Variants in SAMMSON observed in about 807,000 individuals in gnomAD.
SAMMSON encodes the protein long intergenic non-protein coding RNA 1212.
intron 9 of SAMMSON, among the ~76,000 whole-genome samples, chr3:70,379,294 A>C (rs184795228): frequency 6.6e-6 from 1 of 152,254 alleles, no homozygotes; most frequent in East Asian, 1.9e-4. Flanking sequence ...CACTTTTAAA[A>C]AAATAATTGT....
chr3:70,199,174 G>C (rs1368626150), intron 4 of SAMMSON, among the ~76,000 whole-genome samples: 1 of 152,136 alleles, frequency 6.6e-6, no homozygotes, highest in Non-Finnish European at 1.5e-5. Flanking sequence ...TTGCTTTGGA[G>C]TTAAGTAGGG....
chr3:70,200,710 A>ATC (rs1329168959), intron 4 of SAMMSON, among the ~76,000 whole-genome samples: 1 of 152,186 alleles, frequency 6.6e-6, no homozygotes, highest in Non-Finnish European at 1.5e-5. Context: ...AGAAAGCCAT[A>ATC]TCTCTCTCTC....
chr3:70,185,022 T>A (rs1663582333), intron 4 of SAMMSON, among the ~76,000 whole-genome samples: 1 of 152,176 alleles, frequency 6.6e-6, no homozygotes, highest in African/African-American at 2.4e-5. Flanking sequence ...GATGTCTGGG[T>A]CTCCATCAGT....
rs558712037 is a variant in SAMMSON at position 70,121,730 on chromosome 3, T to C, written n.507+50165T>C. ...ATTTCCTGAGCGTCCACTGTGTTTCTGGTGCTGGTGCTGCCTTAGGCGTGA... is the reference window on the plus strand; with the variant it reads ...ATTTCCTGAGCGTCCACTGTGTTTCCGGTGCTGGTGCTGCCTTAGGCGTGA... On this transcript the variant is annotated intron_variant and non_coding_transcript_variant, in intron 4 of 9. Transcript: ENST00000642114. 2.0e-5 allele frequency among the ~76,000 whole-genome samples: 3 copies of C among 152,312 alleles called. No individual in the cohort carries two copies. In the South Asian group the frequency reaches 6.2e-4, roughly 32 times the overall value.
At chr3:70,293,080 T>G (rs1702254968) in intron 7 of SAMMSON, among the ~76,000 whole-genome samples, 1 of 144,744 alleles carries the variant, frequency 6.9e-6, no homozygotes, top group Admixed American at 7.0e-5. Context: ...AAGTAGCATA[T>G]TACATGACGA....
rs76426714 is a variant in SAMMSON at position 70,327,553 on chromosome 3, A to G, written n.740-26622A>G. 5.2e-3 allele frequency among the ~76,000 whole-genome samples: 787 copies of G among 152,268 alleles called. 10 individuals are homozygous for G. The highest frequency in any genetic ancestry group is 0.017 in the African/African-American group (720 of 41,552). On this transcript the variant is annotated intron_variant and non_coding_transcript_variant, in intron 7 of 9. Coordinates refer to ENST00000642114, the Ensembl canonical transcript of SAMMSON. The stretch of plus-strand genomic sequence containing the variant: ...AAGGCTGCAAGGAGAGCAAACAATC[A>G]AGTCTTCAGCAAAATATGGCTCAAT...
At chr3:70,238,389 A>G (rs571797255) in intron 4 of SAMMSON, among the ~76,000 whole-genome samples, 2 of 152,078 alleles carry the variant, frequency 1.3e-5, no homozygotes, top group Non-Finnish European at 2.9e-5. Context: ...CAAGAGGATC[A>G]TTTGAGCCCA....
At chr3:70,309,587 A>T (rs1430970181) in intron 7 of SAMMSON, among the ~76,000 whole-genome samples, 1 of 152,172 alleles carries the variant, frequency 6.6e-6, no homozygotes, top group Non-Finnish European at 1.5e-5. Context: ...AGATTTAGAA[A>T]CCATGCCTGC....
Position 70,432,920 on chromosome 3 carries a change from A to C in SAMMSON, n.234-29640A>C, listed in dbSNP as rs568194817. Reference sequence around the variant, plus strand: ...ATAAAGTTGGGATCATACAGTATGTAGTTTTTTCAGATTGACTTTTTTCAT... The same window carrying C: ...ATAAAGTTGGGATCATACAGTATGTCGTTTTTTCAGATTGACTTTTTTCAT... On this transcript the variant is annotated intron_variant and non_coding_transcript_variant, in intron 2 of 3. Coordinates refer to the SAMMSON transcript ENST00000641053. Among the ~76,000 whole-genome samples the C allele has an allele frequency of 2.6e-5, 4 of 152,146 alleles. No homozygotes were observed. In the South Asian group the frequency reaches 8.3e-4, roughly 32 times the overall value.
chr3:70,311,726 A>G (rs1702454708), intron 7 of SAMMSON, among the ~76,000 whole-genome samples: 1 of 151,864 alleles, frequency 6.6e-6, no homozygotes. Context: ...ACAACCACTT[A>G]GGCCACATAA....
At chr3:70,138,228 C>G (rs2067513812) in intron 4 of SAMMSON, among the ~76,000 whole-genome samples, 1 of 152,134 alleles carries the variant, frequency 6.6e-6, no homozygotes, top group Non-Finnish European at 1.5e-5. Context: ...AATAAAATCC[C>G]CATTTTTTGT....
chr3:70,381,163 G>A (rs1327158543), intron 9 of SAMMSON, among the ~76,000 whole-genome samples: 1 of 152,140 alleles, frequency 6.6e-6, no homozygotes, highest in Non-Finnish European at 1.5e-5. Flanking sequence ...CAATGCAGTT[G>A]TGTTAAAAAG....
At chr3:70,223,452 GA>G in intron 4 of SAMMSON, among the ~76,000 whole-genome samples, 1 of 152,134 alleles carries the variant, frequency 6.6e-6, no homozygotes, top group Non-Finnish European at 1.5e-5. Flanking sequence ...AAATGAGATA[GA>G]ATTAAAAATG....
chr3:70,293,045 C>CAAAAAA (rs55990203), intron 7 of SAMMSON, among the ~76,000 whole-genome samples: 3 of 74,816 alleles, frequency 4.0e-5, no homozygotes, highest in Non-Finnish European at 5.9e-5. Context: ...TGGTTTGAAG[C>CAAAAAA]AAAAAAAAAA....
intron 4 of SAMMSON, chr3:70,072,677 T>G (rs925889700): frequency 7.3e-6 from 1 of 137,370 alleles, no homozygotes; most frequent in Non-Finnish European, 1.6e-5. Flanking sequence ...CAGAAAAAAA[T>G]TTTTTATAAG....
In SAMMSON at chr3:70,207,281, A is replaced by G. The variant is rs1056313021; in HGVS notation, n.508-41826A>G. Among the ~76,000 whole-genome samples the G allele has an allele frequency of 2.6e-5, 4 of 152,104 alleles. No homozygotes were observed. The South Asian group carries it at 8.3e-4, about 31-fold the overall frequency. On this transcript the variant is annotated intron_variant and non_coding_transcript_variant, in intron 4 of 9. Transcript: ENST00000642114. ...TAAAAAGAAAAATGCATATAAATGA[A>G]TAGTCTATAAGCTCATTCCTGCTTC...
At chr3:70,024,111 A>T (rs2067027622) in intron 3 of SAMMSON, among the ~76,000 whole-genome samples, 1 of 152,092 alleles carries the variant, frequency 6.6e-6, no homozygotes, top group Admixed American at 6.5e-5. Flanking sequence ...CACTCTCATT[A>T]TTCTGTCTGT....
At chr3:70,134,010 A>G (rs1378154168) in intron 4 of SAMMSON, among the ~76,000 whole-genome samples, 1 of 151,618 alleles carries the variant, frequency 6.6e-6, no homozygotes, top group African/African-American at 2.4e-5. Flanking sequence ...TTGGGAGGCC[A>G]AGGCAGGCAG....
chr3:70,226,249 T>C (rs2106740628), intron 4 of SAMMSON, among the ~76,000 whole-genome samples: 1 of 152,274 alleles, frequency 6.6e-6, no homozygotes, highest in Admixed American at 6.5e-5. Flanking sequence ...CAAAGATGAG[T>C]AAGACCTGGC....
Sources: gnomAD v4.1 joint callset for allele counts (sites outside exome capture counted in the v4.1 genomes callset) on GRCh38, gnomAD v4.1.1 for gene constraint, MANE v1.5 for transcripts, NCBI Gene and HGNC (gene_info 2026-07-23, HGNC 2026-07-21) for gene names.